SDK1: variants seen among roughly 807,000 people sequenced by gnomAD.
SDK1 encodes the protein protein sidekick-1.
Under a neutral mutation model 245.5 loss-of-function variants are expected in SDK1, and 157 were observed. The observed-to-expected ratio is 0.64, with a 90% CI of 0.56 to 0.73. The LOEUF (loss-of-function observed/expected upper bound fraction) is 0.73, where lower values mean the gene tolerates loss of function less well. SDK1 is among the 30% of genes least tolerant of loss of function. The pLI, the probability that SDK1 is intolerant of heterozygous loss-of-function variation, is 0.00. For synonymous variants in SDK1, 1,647 were observed against 1,278.5 expected (o/e 1.29, Z -6.15); for missense variants, 3,583 against 3,002.3 (o/e 1.19, Z -4.52).
intron 23 of SDK1, among the ~76,000 whole-genome samples, chr7:4,112,045 A>G (rs1783384255): frequency 6.6e-6 from 1 of 152,210 alleles, no homozygotes; most frequent in Admixed American, 6.5e-5. Context: ...TTATTCTGCC[A>G]AGGTTGAGGA....
At chr7:4,189,470 G>A (rs1216165887) in intron 35 of SDK1, among the ~76,000 whole-genome samples, 1 of 152,242 alleles carries the variant, frequency 6.6e-6, no homozygotes, top group African/African-American at 2.4e-5. Context: ...GCTCAGATGA[G>A]AGCCGAGTGT....
intron 5 of SDK1, among the ~76,000 whole-genome samples, chr7:3,884,064 TTTG>T (rs1781275512): frequency 1.1e-5 from 1 of 91,536 alleles, no homozygotes; most frequent in Admixed American, 1.1e-4. Flanking sequence ...TTGTTTGTTT[TTTG>T]TTTGTTTGTT....
intron 43 of SDK1, among the ~76,000 whole-genome samples, chr7:4,243,522 A>G (rs924175453): frequency 6.6e-5 from 10 of 152,224 alleles, no homozygotes; most frequent in Admixed American, 2.0e-4. Flanking sequence ...AGACCTCACA[A>G]TCATGGCGGA....
chr7:4,126,812 C>T (rs890919825), intron 25 of SDK1, among the ~76,000 whole-genome samples: 1 of 152,216 alleles, frequency 6.6e-6, no homozygotes, highest in African/African-American at 2.4e-5. Context: ...GCGATTTTCT[C>T]AGCTTTAGTT....
chr7:3,568,274 G>C (rs1312696117), intron 1 of SDK1, among the ~76,000 whole-genome samples: 1 of 152,100 alleles, frequency 6.6e-6, no homozygotes, highest in Non-Finnish European at 1.5e-5. Context: ...TTTAATTGTA[G>C]TCAGCTACTT....
intron 4 of SDK1, among the ~76,000 whole-genome samples, chr7:3,773,940 C>T (rs1230076158): frequency 6.6e-6 from 1 of 152,168 alleles, no homozygotes; most frequent in African/African-American, 2.4e-5. Flanking sequence ...TTTGGCCAGG[C>T]ACGGTGGCTC....
chr7:3,984,419 G>A (rs183014540), intron 13 of SDK1, among the ~76,000 whole-genome samples: 12 of 152,284 alleles, frequency 7.9e-5, no homozygotes, highest in Admixed American at 3.3e-4. Flanking sequence ...GCAAGAGGCC[G>A]CATTTTCACC....
chr7:3,746,232 T>G (rs1213912870), intron 4 of SDK1, among the ~76,000 whole-genome samples: 2 of 152,342 alleles, frequency 1.3e-5, no homozygotes, highest in East Asian at 3.9e-4. Context: ...TCTAAAAATT[T>G]ACATACCTTA....
At chr7:3,518,127 G>A (rs1447254055) in intron 1 of SDK1, among the ~76,000 whole-genome samples, 1 of 152,050 alleles carries the variant, frequency 6.6e-6, no homozygotes, top group Non-Finnish European at 1.5e-5. Flanking sequence ...GATAAGATGA[G>A]CTTATATAGC....
intron 1 of SDK1, among the ~76,000 whole-genome samples, chr7:3,478,032 C>G (rs1781399583): frequency 6.6e-6 from 1 of 152,124 alleles, no homozygotes; most frequent in Non-Finnish European, 1.5e-5. Context: ...GCAACATACT[C>G]CTTAGGAAAC....
At chr7:3,620,110 G>C (rs1277942496) in intron 2 of SDK1, among the ~76,000 whole-genome samples, 2 of 152,082 alleles carry the variant, frequency 1.3e-5, no homozygotes, top group African/African-American at 2.4e-5. Flanking sequence ...GCTGTATAGA[G>C]GCATTTTAAG....
chr7:3,576,925 G>C (rs968698753), intron 1 of SDK1, among the ~76,000 whole-genome samples: 1 of 152,016 alleles, frequency 6.6e-6, no homozygotes, highest in Non-Finnish European at 1.5e-5. Context: ...CTCATAGCTG[G>C]TCGGGCACCT....
In SDK1 at chr7:4,220,054, A is replaced by G. The variant is rs1584474682; in HGVS notation, c.5540-55A>G. 2.5e-6 allele frequency: 4 copies of G among 1,581,596 alleles called. No homozygotes were observed. The East Asian group carries it at 9.0e-5, about 36-fold the overall frequency. On this transcript the variant is annotated intron_variant, in intron 38 of 44. Transcript: ENST00000404826. ...GTTATCGCAACAGAACAGACAGTGGACAGTTGCTTCTCCAGGCTGAACCCC... is the reference window on the plus strand; with the variant it reads ...GTTATCGCAACAGAACAGACAGTGGGCAGTTGCTTCTCCAGGCTGAACCCC...
At chr7:3,591,154 A>G (rs541629685) in intron 1 of SDK1, among the ~76,000 whole-genome samples, 2 of 152,346 alleles carry the variant, frequency 1.3e-5, no homozygotes, top group African/African-American at 4.8e-5. Context: ...TGATGAAGGC[A>G]GCTCCTATCA....
chr7:3,752,980 AT>A (rs1406143373), intron 4 of SDK1, among the ~76,000 whole-genome samples: 13 of 152,086 alleles, frequency 8.5e-5, no homozygotes, highest in Non-Finnish European at 1.9e-4. Context: ...CCAAATTGCT[AT>A]TTCTCCACCC....
At chr7:3,508,326 C>CTTTTT (rs746963363) in intron 1 of SDK1, among the ~76,000 whole-genome samples, 2 of 136,218 alleles carry the variant, frequency 1.5e-5, no homozygotes, top group Non-Finnish European at 1.6e-5. Context: ...TCTTCTTCTT[C>CTTTTT]TTTTTTTTTT....
At chr7:3,660,414 AAAGT>A (rs1208479489) in intron 4 of SDK1, among the ~76,000 whole-genome samples, 15 of 152,124 alleles carry the variant, frequency 9.9e-5, no homozygotes, top group African/African-American at 3.4e-4. Flanking sequence ...ACACATAAAT[AAAGT>A]AAGAGATCAA....
chr7:3,677,765 A>G (rs1401904423), intron 4 of SDK1, among the ~76,000 whole-genome samples: 1 of 152,242 alleles, frequency 6.6e-6, no homozygotes, highest in Non-Finnish European at 1.5e-5. Context: ...GCTGTGGTAA[A>G]CAAGACAGTG....
At chr7:3,701,030 G>A (rs1562381128) in intron 4 of SDK1, among the ~76,000 whole-genome samples, 4 of 152,202 alleles carry the variant, frequency 2.6e-5, no homozygotes, top group African/African-American at 4.8e-5. Context: ...GGAGGAACCA[G>A]TTGCCGCGCA....
Sources: allele counts gnomAD v4.1 joint callset (sites outside exome capture counted in the v4.1 genomes callset), GRCh38; gene constraint gnomAD v4.1.1; transcripts MANE v1.5; gene names NCBI Gene and HGNC (gene_info 2026-07-23, HGNC 2026-07-21).